The following PAK1 variants were observed in gnomAD, a reference collection of about 807,000 sequenced individuals.
PAK1 encodes p21 (RAC1) activated kinase 1, also known as serine/threonine-protein kinase PAK 1.
PAK1 carries 29 observed loss-of-function variants against 67.4 expected under a neutral mutation model. That is an observed-to-expected ratio of 0.43 (90% CI 0.32 to 0.59). PAK1 has a LOEUF of 0.59. Ranked by LOEUF, PAK1 falls within the 20% of genes least tolerant of loss-of-function variation. The pLI is 0.07. For synonymous variants in PAK1, 223 were observed against 237.4 expected (o/e 0.94, Z 0.56); for missense variants, 337 against 670.7 (o/e 0.50, Z 5.50).
rs17135654 is a variant in PAK1, at chr11:77,413,404, G to A, written c.-21-20863C>T. Among the ~76,000 whole-genome samples the A allele has an allele frequency of 6.1e-3, 930 of 152,300 alleles. 20 individuals carry two copies. Among genetic ancestry groups the A allele is most frequent in the African/African-American group, 0.022 (895 of 41,552 alleles). On this transcript the variant is annotated intron_variant, in intron 1 of 14. Transcript: ENST00000356341. ...CTTGGAAGAAGCAGCAGCAGAACTT[G>A]GTGGAAAACAGAATACGATGGTGAA...
intron 1 of PAK1, among the ~76,000 whole-genome samples, chr11:77,467,583 T>C (rs540878609): frequency 5.9e-5 from 9 of 152,234 alleles, no homozygotes; most frequent in Non-Finnish European, 1.3e-4. Context: ...CAGAATCACC[T>C]ATAAACCTTT....
chr11:77,437,277 C>T (rs1956167689), intron 1 of PAK1, among the ~76,000 whole-genome samples: 1 of 152,102 alleles, frequency 6.6e-6, no homozygotes, highest in Non-Finnish European at 1.5e-5. Context: ...TTAGCACAGT[C>T]CCTGACACAT....
At chr11:77,408,307 G>A (rs1401397997) in intron 1 of PAK1, 1 of 152,070 alleles carries the variant, frequency 6.6e-6, no homozygotes, top group Non-Finnish European at 1.5e-5. Flanking sequence ...TCAAAGCTCT[G>A]TGAATATTGT....
Position 77,356,165 on chromosome 11 carries a change from C to T in PAK1, c.598-323G>A, listed in dbSNP as rs563646641. The T allele has an allele frequency of 5.5e-4, 109 of 197,598 alleles. 1 individual carries two copies. Among genetic ancestry groups the T allele is most frequent in the African/African-American group, 2.4e-3 (103 of 43,422 alleles). The allele number at this position is 197,598 out of a possible 1,614,324, so 12.2% of individuals were successfully genotyped here. On this transcript the variant is annotated intron_variant, in intron 6 of 14. Transcript: ENST00000356341. ...CCTTCATCTGTAATATTTTATGCTTCCCCAAGCTAAAAGAAATATCCTGTA... is the reference window on the plus strand; with the variant it reads ...CCTTCATCTGTAATATTTTATGCTTTCCCAAGCTAAAAGAAATATCCTGTA...
chr11:77,423,400 A>AAT (rs1955381358), intron 1 of PAK1, among the ~76,000 whole-genome samples: 2 of 101,520 alleles, frequency 2.0e-5, no homozygotes, highest in African/African-American at 4.6e-5. Flanking sequence ...GTTGCTTTCA[A>AAT]ATACACACAC....
chr11:77,437,892 A>G (rs572193255), intron 1 of PAK1, among the ~76,000 whole-genome samples: 2 of 152,338 alleles, frequency 1.3e-5, no homozygotes, highest in African/African-American at 4.8e-5. Context: ...AAGAATAGAT[A>G]TTCAATAGGA....
chr11:77,330,324 C>T (rs910105666), intron 14 of PAK1, among the ~76,000 whole-genome samples: 6 of 152,048 alleles, frequency 3.9e-5, no homozygotes, highest in South Asian at 2.1e-4. Context: ...CCCGCATCGC[C>T]GAGTCAATCC....
At chr11:77,399,935 T>C (rs1240226486) in intron 1 of PAK1, among the ~76,000 whole-genome samples, 3 of 143,462 alleles carry the variant, frequency 2.1e-5, no homozygotes, top group Non-Finnish European at 4.5e-5. Flanking sequence ...CAATATATAA[T>C]GGATATGATA....
chr11:77,529,577 G>C, the PAK1 span, among the ~76,000 whole-genome samples: 2 of 152,182 alleles, frequency 1.3e-5, no homozygotes, highest in Admixed American at 6.5e-5. Flanking sequence ...TAAACAAAGG[G>C]GAAGGCCTGG....
intron 4 of PAK1, 60 bp from the exon 5 acceptor site, chr11:77,374,425 AC>A (rs1948838769): frequency 1.8e-6 from 2 of 1,124,334 alleles, no homozygotes; most frequent in Non-Finnish European, 2.7e-6. Flanking sequence ...ATTTTTCTGG[AC>A]AGCAAAAGAA....
At chr11:77,429,235 A>G (rs2138296768) in intron 1 of PAK1, among the ~76,000 whole-genome samples, 1 of 152,196 alleles carries the variant, frequency 6.6e-6, no homozygotes, top group East Asian at 1.9e-4. Context: ...CCAACTTCTG[A>G]TTTGGCTCCT....
chr11:77,322,683 T>C lies in PAK1; in HGVS notation c.*591A>G. ...GGTCAAGGTCCTCCCGAACAGCTGC[T>C]AGAAGCACACACAAAGAAAAATGTG... On this transcript the variant is annotated 3_prime_UTR_variant, in exon 15 of 15. Coordinates refer to ENST00000356341, the MANE Select transcript of PAK1 (RefSeq NM_002576.5). 3.9e-6 allele frequency: 1 copy of C among 257,394 alleles called. No homozygotes were observed. Among genetic ancestry groups the C allele is most frequent in the Non-Finnish European group, 7.6e-6 (1 of 131,394 alleles). The allele number at this position is 257,394 out of a possible 1,614,324, so 15.9% of individuals were successfully genotyped here.
At chr11:77,524,835 A>G in the PAK1 span, among the ~76,000 whole-genome samples, 2 of 152,162 alleles carry the variant, frequency 1.3e-5, no homozygotes, top group Non-Finnish European at 2.9e-5. Flanking sequence ...CTGACACACA[A>G]ATGTTTGTCA....
intron 1 of PAK1, among the ~76,000 whole-genome samples, chr11:77,436,393 T>C (rs1183587630): frequency 6.6e-6 from 1 of 152,230 alleles, no homozygotes; most frequent in African/African-American, 2.4e-5. Flanking sequence ...CACTATGTTG[T>C]ACAAAGAATT....
intron 5 of PAK1, 27 bp downstream of exon 5, chr11:77,374,301 A>G: frequency 6.7e-7 from 1 of 1,501,910 alleles, no homozygotes; most frequent in Non-Finnish European, 9.3e-7. Context: ...ATCTGCCCAC[A>G]TCAAAATAGA....
intron 1 of PAK1, among the ~76,000 whole-genome samples, chr11:77,428,937 G>C (rs1439417611): frequency 6.6e-6 from 1 of 151,408 alleles, no homozygotes; most frequent in Non-Finnish European, 1.5e-5. Flanking sequence ...GCCTGTGATG[G>C]GGGTGTCAGA....
intron 1 of PAK1, among the ~76,000 whole-genome samples, chr11:77,428,901 A>AGGAG (rs1266513817): frequency 6.6e-6 from 1 of 151,604 alleles, no homozygotes; most frequent in Non-Finnish European, 1.5e-5. Flanking sequence ...AAGCAAGATA[A>AGGAG]GGAGGGCATC....
intron 1 of PAK1, among the ~76,000 whole-genome samples, chr11:77,455,675 G>A (rs529006608): frequency 2.0e-5 from 3 of 152,246 alleles, no homozygotes; most frequent in African/African-American, 7.2e-5. Flanking sequence ...GGACTCTCCT[G>A]TTTGCCCCTA....
At chr11:77,419,840 T>C (rs1340216096) in intron 1 of PAK1, among the ~76,000 whole-genome samples, 1 of 152,208 alleles carries the variant, frequency 6.6e-6, no homozygotes, top group African/African-American at 2.4e-5. Flanking sequence ...TAAGGTCACT[T>C]ACTGTGGAGT....
Sources: gnomAD v4.1 joint callset for allele counts (sites outside exome capture counted in the v4.1 genomes callset) on GRCh38, gnomAD v4.1.1 for gene constraint, MANE v1.5 for transcripts, NCBI Gene and HGNC (gene_info 2026-07-23, HGNC 2026-07-21) for gene names.